The following MND1 variants were observed in gnomAD, a reference collection of about 807,000 sequenced individuals.
MND1 encodes meiotic nuclear divisions 1, also known as meiotic nuclear division protein 1 homolog.
A neutral mutation model predicts 35.1 loss-of-function variants in MND1; 28 were observed. The ratio of observed to expected loss-of-function variants is 0.80; its 90% confidence interval spans 0.59 to 1.09. The LOEUF is 1.09. Ranked by LOEUF, MND1 falls within the 50% of genes least tolerant of loss-of-function variation. The pLI, the probability that MND1 is intolerant of heterozygous loss-of-function variation, is 0.00. For synonymous variants in MND1, 69 were observed against 70.5 expected, an observed-to-expected ratio of 0.98 and a Z score of 0.11; for missense variants, 213 against 239.6, an observed-to-expected ratio of 0.89 and a Z score of 0.73.
intron 4 of MND1, among the ~76,000 whole-genome samples, chr4:153,390,516 G>C (rs1045121861): frequency 2.0e-5 from 3 of 152,090 alleles, no homozygotes; most frequent in Non-Finnish European, 4.4e-5. Context: ...CCAAACAGAT[G>C]TATAGTACCT....
intron 1 of MND1, among the ~76,000 whole-genome samples, chr4:153,346,032 A>G (rs1007595940): frequency 1.3e-5 from 2 of 152,250 alleles, no homozygotes; most frequent in African/African-American, 4.8e-5. Flanking sequence ...CTCCGATAAT[A>G]GAGAATCCTT....
chr4:153,347,488 G>C (rs1292722052), intron 1 of MND1, among the ~76,000 whole-genome samples: 6 of 152,198 alleles, frequency 3.9e-5, no homozygotes, highest in Non-Finnish European at 8.8e-5. Context: ...TTAGATACAT[G>C]GTCCTAAAAT....
At chr4:153,355,132 C>T (rs1270037087) in intron 2 of MND1, among the ~76,000 whole-genome samples, 1 of 150,708 alleles carries the variant, frequency 6.6e-6, no homozygotes, top group African/African-American at 2.5e-5. Flanking sequence ...CCACTGTACT[C>T]CCATCTGGGC....
chr4:153,349,213 CAT>C (rs1773150563), intron 1 of MND1, among the ~76,000 whole-genome samples: 1 of 150,892 alleles, frequency 6.6e-6, no homozygotes, highest in Admixed American at 6.6e-5. Flanking sequence ...TTATTATTAA[CAT>C]ATATTTCAGC....
At chr4:153,404,335 C>G (rs1293914740) in intron 6 of MND1, among the ~76,000 whole-genome samples, 1 of 145,732 alleles carries the variant, frequency 6.9e-6, no homozygotes, top group Non-Finnish European at 1.5e-5. Flanking sequence ...GCACGTGCCA[C>G]CACGCCCAGC....
intron 3 of MND1, among the ~76,000 whole-genome samples, chr4:153,356,435 C>T (rs1329511490): frequency 6.6e-6 from 1 of 151,556 alleles, no homozygotes; most frequent in African/African-American, 2.4e-5. Flanking sequence ...CGTCTATAGT[C>T]CCAGCTACTC....
intron 4 of MND1, among the ~76,000 whole-genome samples, chr4:153,389,481 C>G (rs1728961368): frequency 6.6e-6 from 1 of 152,154 alleles, no homozygotes; most frequent in South Asian, 2.1e-4. Context: ...CTGCCTCAGT[C>G]TCCTGAGTAG....
At chr4:153,401,059 T>C (rs900949364) in intron 6 of MND1, among the ~76,000 whole-genome samples, 52 of 152,260 alleles carry the variant, frequency 3.4e-4, no homozygotes, top group African/African-American at 1.2e-3. Flanking sequence ...GTTGAAGATA[T>C]AGCAATAGAA....
Position 153,358,110 on chromosome 4 carries a change from A to T in MND1, c.128-364A>T, listed in dbSNP as rs572122360. On this transcript the variant is annotated intron_variant, in intron 3 of 7. Coordinates refer to ENST00000240488, the MANE Select transcript of MND1 (RefSeq NM_032117.4). The stretch of plus-strand genomic sequence containing the variant: ...GACATTACTGCTATGCACCAAAGTA[A>T]GTATGGAAATGATCATATCTAATAG... Among the ~76,000 whole-genome samples the T allele has an allele frequency of 4.5e-4, 69 of 152,338 alleles. 1 individual carries two copies. The South Asian group carries it at 0.014, about 31-fold the overall frequency.
intron 6 of MND1, among the ~76,000 whole-genome samples, chr4:153,397,738 C>T (rs1000425220): frequency 6.6e-6 from 1 of 151,954 alleles, no homozygotes; most frequent in Admixed American, 6.6e-5. Context: ...GAGAATCCCT[C>T]AAGCCCAGGA....
chr4:153,359,779 C>CTTTTTTTTTTTTTTTTTTTTTTTTTTTT (rs34112305), intron 4 of MND1, among the ~76,000 whole-genome samples: 1 of 62,160 alleles, frequency 1.6e-5, no homozygotes, highest in African/African-American at 5.9e-5. Context: ...TTTGGAAGAT[C>CTTTTTTTTTTTTTTTTTTTTTTTTTTTT]TTTTTTTTTT....
chr4:153,369,391 A>G (rs555024291), intron 4 of MND1, among the ~76,000 whole-genome samples: 1 of 152,340 alleles, frequency 6.6e-6, no homozygotes, highest in East Asian at 1.9e-4. Context: ...ATGAGCATAA[A>G]TACAGGCATA....
intron 4 of MND1, among the ~76,000 whole-genome samples, chr4:153,388,385 G>A (rs1285605942): frequency 6.6e-6 from 1 of 152,132 alleles, no homozygotes; most frequent in Non-Finnish European, 1.5e-5. Context: ...TACTCAGGAG[G>A]CTCAGGTAGG....
intron 5 of MND1, among the ~76,000 whole-genome samples, chr4:153,395,282 GT>G (rs1342242695): frequency 6.6e-6 from 1 of 151,840 alleles, no homozygotes; most frequent in African/African-American, 2.4e-5. Flanking sequence ...CCTTTTGTTT[GT>G]TTTTTTTAAA....
At chr4:153,413,851 A>AC (rs1729760004) in intron 7 of MND1, among the ~76,000 whole-genome samples, 1 of 152,214 alleles carries the variant, frequency 6.6e-6, no homozygotes, top group Admixed American at 6.5e-5. Flanking sequence ...AAGACCCTTG[A>AC]CCAAAAGTCC....
chr4:153,398,973 T>G (rs919859716), intron 6 of MND1, among the ~76,000 whole-genome samples: 10 of 152,212 alleles, frequency 6.6e-5, no homozygotes, highest in African/African-American at 1.9e-4. Flanking sequence ...GAGCACCTTC[T>G]CATTCTCTTG....
At position 153,384,443 on chromosome 4, in the gene MND1, A is replaced by ATTTTTTTTTTTTTTTTTTTTTT. The variant is rs561004288; in HGVS notation, c.277-9811_277-9790dup. Reference sequence around the variant, plus strand: ...TGCCACCATGCCCAGCTAATGTTTAATTTTTTTTTTTTTTTTTTTTTTTTT... The same window carrying ATTTTTTTTTTTTTTTTTTTTTT: ...TGCCACCATGCCCAGCTAATGTTTAATTTTTTTTTTTTTTTTTTTTTTTTTTTTTTTTTTTTTTTTTTTTTTT... On this transcript the variant is annotated intron_variant, in intron 4 of 7. Coordinates refer to ENST00000240488, the MANE Select transcript of MND1 (RefSeq NM_032117.4). Among the ~76,000 whole-genome samples, 9 of 63,190 alleles carry ATTTTTTTTTTTTTTTTTTTTTT rather than the reference A, an allele frequency of 1.4e-4. 1 individual carries two copies. Among genetic ancestry groups the ATTTTTTTTTTTTTTTTTTTTTT allele is most frequent in the East Asian group, 5.9e-4 (1 of 1,700 alleles). The allele number at this position is 63,190 out of a possible 152,430, so 41.5% of individuals were successfully genotyped here. A position where few individuals can be genotyped will look rare whatever the true frequency, so the allele number is the denominator to read the frequency against.
At chr4:153,379,206 C>T (rs139129482) in intron 4 of MND1, among the ~76,000 whole-genome samples, 2 of 148,982 alleles carry the variant, frequency 1.3e-5, no homozygotes, top group Admixed American at 6.8e-5. Context: ...AGGAGAATGG[C>T]GTGAACCCAG....
intron 4 of MND1, among the ~76,000 whole-genome samples, chr4:153,364,518 G>GGA (rs1554009910): frequency 7.1e-6 from 1 of 141,354 alleles, no homozygotes; most frequent in East Asian, 2.1e-4. Flanking sequence ...CCCTGTTTAA[G>GGA]AAAAAAAAAA....
Sources: gnomAD v4.1 joint callset for allele counts (sites outside exome capture counted in the v4.1 genomes callset) on GRCh38, gnomAD v4.1.1 for gene constraint, MANE v1.5 for transcripts, NCBI Gene and HGNC (gene_info 2026-07-23, HGNC 2026-07-21) for gene names.